The following ERBB4 variants were observed in gnomAD, a reference collection of about 807,000 sequenced individuals.
ERBB4 encodes the protein erb-b2 receptor tyrosine kinase 4, also known as receptor tyrosine-protein kinase erbB-4.
In ERBB4, 42 loss-of-function variants were observed where a neutral mutation model predicts 158.0. That is an observed-to-expected ratio of 0.27 (90% CI 0.21 to 0.34). ERBB4 has a LOEUF of 0.34. ERBB4 is among the 10% of genes least tolerant of loss of function. The pLI, the probability that ERBB4 is intolerant of heterozygous loss-of-function variation, is 1.00. For missense variants in ERBB4, 1,333 were observed against 1,624.1 expected (o/e 0.82, Z 3.08); for synonymous variants, 583 against 558.7 (o/e 1.04, Z -0.61).
At chr2:211,998,009 A>C (rs1371815532) in intron 2 of ERBB4, among the ~76,000 whole-genome samples, 1 of 151,766 alleles carries the variant, frequency 6.6e-6, no homozygotes, top group Non-Finnish European at 1.5e-5. Context: ...TTTCTATTAG[A>C]AATCATCCCA....
Position 212,423,352 on chromosome 2 carries a change from A to T in ERBB4, c.82+115097T>A, listed in dbSNP as rs113106460. On this transcript the variant is annotated intron_variant, in intron 1 of 27. Transcript: ENST00000342788. ...GAAGATGCCAAAAGCTACAGTGATT[A>T]TCTGAATCACAGAAAAAAGAGGTGT... 2.1e-3 allele frequency among the ~76,000 whole-genome samples: 327 copies of T among 152,320 alleles called. 2 individuals are homozygous for T. Among genetic ancestry groups the T allele is most frequent in the African/African-American group, 7.4e-3 (309 of 41,592 alleles).
chr2:211,497,332 G>T (rs945744840), intron 20 of ERBB4, among the ~76,000 whole-genome samples: 3 of 152,070 alleles, frequency 2.0e-5, no homozygotes, highest in Non-Finnish European at 4.4e-5. Flanking sequence ...GTAACATTTT[G>T]TACTTGCTTT....
intron 3 of ERBB4, among the ~76,000 whole-genome samples, chr2:211,911,726 G>A (rs913268642): frequency 2.0e-4 from 31 of 151,290 alleles, no homozygotes; most frequent in African/African-American, 7.5e-4. Context: ...CAGAAACAGC[G>A]ATTGGTGGTT....
chr2:211,753,695 AGTGAAGAATG>A (rs2075202447), intron 4 of ERBB4, among the ~76,000 whole-genome samples: 1 of 151,138 alleles, frequency 6.6e-6, no homozygotes, highest in African/African-American at 2.4e-5. Context: ...AGACCATTTC[AGTGAAGAATG>A]TTAAGCACAG....
Position 211,431,119 on chromosome 2 carries a change from C to G in ERBB4, c.2488-19G>C. On this transcript the variant is annotated intron_variant, in intron 20 of 27. Transcript: ENST00000342788. ...TCATTCCCTGAAAAATATCAAGTTCCTTAATGATATTCAGTTAATGCCCAG... is the reference window on the plus strand; with the variant it reads ...TCATTCCCTGAAAAATATCAAGTTCGTTAATGATATTCAGTTAATGCCCAG... The G allele has an allele frequency of 6.2e-7, 1 of 1,610,106 alleles. No homozygotes were observed. The highest frequency in any genetic ancestry group is 1.1e-5 in the South Asian group (1 of 90,980).
intron 2 of ERBB4, among the ~76,000 whole-genome samples, chr2:212,118,185 G>C (rs1237632202): frequency 6.6e-6 from 1 of 152,198 alleles, no homozygotes; most frequent in Non-Finnish European, 1.5e-5. Flanking sequence ...ACTAAAGCTA[G>C]AAGTAGGCTA....
intron 20 of ERBB4, among the ~76,000 whole-genome samples, chr2:211,524,692 G>A (rs1033734291): frequency 3.1e-5 from 4 of 130,262 alleles, no homozygotes; most frequent in Non-Finnish European, 4.7e-5. Flanking sequence ...CCAAGCCCAC[G>A]CCCACCCGGA....
At chr2:211,605,559 A>G (rs1179128515) in intron 19 of ERBB4, among the ~76,000 whole-genome samples, 1 of 152,090 alleles carries the variant, frequency 6.6e-6, no homozygotes, top group East Asian at 1.9e-4. Context: ...AACTGAATTC[A>G]CCACATCTGG....
In ERBB4 at chr2:212,390,600, T is replaced by C. The variant is rs553127624; in HGVS notation, c.82+147849A>G. Among the ~76,000 whole-genome samples, 6 of 151,956 alleles carry C rather than the reference T, an allele frequency of 3.9e-5. No homozygotes were observed. In the East Asian group the frequency reaches 9.7e-4, roughly 24 times the overall value. ...CTATGCTATGTCCTTCAATATATAA[T>C]GAGGGATTACAAAATGTAATTCACT... On this transcript the variant is annotated intron_variant, in intron 1 of 27. Coordinates refer to ENST00000342788, the MANE Select transcript of ERBB4 (RefSeq NM_005235.3).
At chr2:212,305,287 G>T (rs987129522) in intron 1 of ERBB4, among the ~76,000 whole-genome samples, 1 of 151,290 alleles carries the variant, frequency 6.6e-6, no homozygotes, top group African/African-American at 2.4e-5. Flanking sequence ...ATTAATGTAT[G>T]CTGTTTAGTG....
chr2:212,237,696 G>A (rs2083929809), intron 1 of ERBB4, among the ~76,000 whole-genome samples: 1 of 152,212 alleles, frequency 6.6e-6, no homozygotes, highest in Non-Finnish European at 1.5e-5. Flanking sequence ...CTTCTCCCAG[G>A]TGCTCTGTCC....
chr2:212,194,772 C>G (rs2082373139), intron 1 of ERBB4, among the ~76,000 whole-genome samples: 1 of 151,858 alleles, frequency 6.6e-6, no homozygotes, highest in East Asian at 1.9e-4. Flanking sequence ...TTAAGAATTT[C>G]TTATGCAAAA....
chr2:212,241,645 TTTTAG>T (rs1430420592), intron 1 of ERBB4, among the ~76,000 whole-genome samples: 2 of 152,182 alleles, frequency 1.3e-5, no homozygotes, highest in Non-Finnish European at 2.9e-5. Context: ...TTGGTAATTA[TTTTAG>T]TTGAGTATTT....
At chr2:211,907,716 T>C (rs2079434031) in intron 3 of ERBB4, among the ~76,000 whole-genome samples, 1 of 150,626 alleles carries the variant, frequency 6.6e-6, no homozygotes, top group South Asian at 2.1e-4. Context: ...TATACCTATT[T>C]AAAAAAAAAT....
At chr2:211,946,882 A>G (rs973024994) in intron 3 of ERBB4, among the ~76,000 whole-genome samples, 2 of 152,004 alleles carry the variant, frequency 1.3e-5, no homozygotes, top group African/African-American at 4.8e-5. Context: ...TTCCAATCTT[A>G]ATGAGAAAAA....
intron 1 of ERBB4, among the ~76,000 whole-genome samples, chr2:212,327,577 A>G (rs1374481264): frequency 2.0e-5 from 3 of 152,004 alleles, no homozygotes; most frequent in African/African-American, 7.2e-5. Context: ...AAACCAAACC[A>G]AAGTTACGTC....
intron 3 of ERBB4, among the ~76,000 whole-genome samples, chr2:211,834,695 G>A (rs1263751435): frequency 6.6e-6 from 1 of 152,020 alleles, no homozygotes; most frequent in East Asian, 1.9e-4. Context: ...ACAAGGCCTG[G>A]AAACAGTAAA....
In ERBB4 at chr2:211,376,029, G is replaced by A. The variant is rs2062466252; in HGVS notation, c.*7586C>T. ...GGAGGATGGGTAAAAGGTTGGAGGA[G>A]AAGAAAGAATAAGAGAAAGTATACT... On this transcript the variant is annotated 3_prime_UTR_variant, in exon 28 of 28. Transcript: ENST00000342788. 2 of 232,812 alleles carry A rather than the reference G, an allele frequency of 8.6e-6. No homozygotes were observed. Among genetic ancestry groups the A allele is most frequent in the South Asian group, 3.6e-4 (2 of 5,524 alleles). 14.4% of individuals were successfully genotyped at this position (232,812 alleles called of 1,614,324 possible).
intron 1 of ERBB4, among the ~76,000 whole-genome samples, chr2:212,292,382 A>C (rs936415694): frequency 6.6e-6 from 1 of 152,022 alleles, no homozygotes; most frequent in Non-Finnish European, 1.5e-5. Context: ...GATGTGTAAC[A>C]AGAATTGAAT....
Sources: allele counts gnomAD v4.1 joint callset (sites outside exome capture counted in the v4.1 genomes callset), GRCh38; gene constraint gnomAD v4.1.1; transcripts MANE v1.5; gene names NCBI Gene and HGNC (gene_info 2026-07-23, HGNC 2026-07-21).